TRAM2: variants seen among roughly 807,000 people sequenced by gnomAD.
TRAM2 encodes translocating chain-associated membrane protein 2.
In TRAM2, 12 loss-of-function variants were observed where a neutral mutation model predicts 51.0. The ratio of observed to expected loss-of-function variants is 0.24; its 90% CI spans 0.15 to 0.38. The LOEUF is 0.38. TRAM2 is among the 10% of genes least tolerant of loss of function. TRAM2 has a pLI of 1.00. For missense variants in TRAM2, 361 were observed against 462.0 expected, an observed-to-expected ratio of 0.78 and a Z score of 2.00; for synonymous variants, 175 against 179.4, an observed-to-expected ratio of 0.98 and a Z score of 0.20.
chr6:52,534,612 G>A (rs951551524), intron 2 of TRAM2, among the ~76,000 whole-genome samples: 1 of 152,132 alleles, frequency 6.6e-6, no homozygotes, highest in Non-Finnish European at 1.5e-5. Flanking sequence ...ATGTTGACCC[G>A]CATGGTGTTT....
chr6:52,505,942 C>A, intron 8 of TRAM2, 90 bp downstream of exon 8: 1 of 1,475,446 alleles, frequency 6.8e-7, no homozygotes, highest in Non-Finnish European at 9.4e-7. Flanking sequence ...GGGCAGTGTG[C>A]AACCAGGGAG....
In TRAM2 at chr6:52,503,210, A is replaced by T; in HGVS notation, c.1100T>A (p.Leu367His). 6.2e-7 allele frequency: 1 copy of T among 1,613,340 alleles called. No homozygotes were observed. ...AGCACTTTGGCCTTAGGGAGACTTGAGTTTCTTAGTCCGTGGGGAGGTTCC... is the reference window on the plus strand; with the variant it reads ...AGCACTTTGGCCTTAGGGAGACTTGTGTTTCTTAGTCCGTGGGGAGGTTCC... Reference protein sequence around the residue: ...ENGTSPRTKKLKSP With the variant: ...ENGTSPRTKKHKSP Residue 367 changes from leucine to histidine, a missense_variant, in exon 11 of 11, where the codon CTC becomes CAC. By Grantham distance (99) the Leu-to-His change is moderately conservative. Transcript: ENST00000182527.
At chr6:52,562,279 G>T (rs1455381688) in intron 1 of TRAM2, among the ~76,000 whole-genome samples, 1 of 152,134 alleles carries the variant, frequency 6.6e-6, no homozygotes, top group Non-Finnish European at 1.5e-5. Context: ...TAAACTTGGG[G>T]GTCATCAGAA....
At chr6:52,564,101 T>C (rs1562489598) in intron 1 of TRAM2, among the ~76,000 whole-genome samples, 1 of 152,136 alleles carries the variant, frequency 6.6e-6, no homozygotes, top group East Asian at 1.9e-4. Flanking sequence ...CACCATCCTG[T>C]GTGTGCATGG....
At chr6:52,541,522 C>A (rs1362667395) in intron 1 of TRAM2, among the ~76,000 whole-genome samples, 1 of 152,194 alleles carries the variant, frequency 6.6e-6, no homozygotes, top group East Asian at 1.9e-4. Flanking sequence ...TCTAAGAGGT[C>A]TTTCCAGAAG....
intron 1 of TRAM2, among the ~76,000 whole-genome samples, chr6:52,540,705 C>T (rs1034861018): frequency 2.6e-5 from 4 of 152,210 alleles, no homozygotes; most frequent in Non-Finnish European, 4.4e-5. Context: ...GCACACAGGG[C>T]TGAGAACCAG....
At chr6:52,513,276 ATATT>A (rs1403343081) in intron 4 of TRAM2, among the ~76,000 whole-genome samples, 3 of 152,216 alleles carry the variant, frequency 2.0e-5, no homozygotes, top group African/African-American at 7.2e-5. Context: ...ATCATTTATG[ATATT>A]TATTAAAACA....
chr6:52,504,720 C>G lies in TRAM2; in HGVS notation c.910G>C (p.Ala304Pro), dbSNP rs1766313029. 1 of 1,610,480 alleles carries G rather than the reference C, an allele frequency of 6.2e-7. No homozygotes were observed. The highest frequency in any genetic ancestry group is 1.1e-5 in the South Asian group (1 of 90,522). ...TGGATGAAGCGCCACATGAGCCAGG[C>G]CTGGGCGGCACACACCAGCAGCAGC... ...CVLLLVCAAQAWLMWRFIHSQ... is the reference protein window; with the variant it reads ...CVLLLVCAAQPWLMWRFIHSQ... Residue 304 changes from alanine (A) to proline (P), a missense_variant, in exon 10 of 11, where the codon GCC (alanine) becomes CCC (proline). By Grantham distance (27) the Ala-to-Pro change is conservative (BLOSUM62 -1). Coordinates refer to ENST00000182527, the MANE Select transcript of TRAM2 (RefSeq NM_012288.4).
rs142934369 is a variant in TRAM2 at position 52,512,266 on chromosome 6, G to A, written c.412-2680C>T. Among the ~76,000 whole-genome samples, 258 of 152,282 alleles carry A rather than the reference G, an allele frequency of 1.7e-3. 1 individual carries two copies. Among genetic ancestry groups the A allele is most frequent in the Non-Finnish European group, 2.7e-3 (182 of 68,020 alleles). On this transcript the variant is annotated intron_variant, in intron 4 of 10. Coordinates refer to ENST00000182527, the MANE Select transcript of TRAM2 (RefSeq NM_012288.4). The stretch of plus-strand genomic sequence containing the variant: ...GTGATTTTAAACAGGAACGCTCCTT[G>A]GCTTGGCCTCTTACTTAGAGACAAA...
At chr6:52,543,906 G>C (rs1767149572) in intron 1 of TRAM2, among the ~76,000 whole-genome samples, 1 of 152,154 alleles carries the variant, frequency 6.6e-6, no homozygotes. Context: ...GACCAGGCAG[G>C]ACCCAGGTAT....
rs73447934 is a variant in TRAM2, at chr6:52,532,290, T to C, written c.184+3493A>G. Among the ~76,000 whole-genome samples, 1,098 of 152,302 alleles carry C rather than the reference T, an allele frequency of 7.2e-3. 13 individuals carry two copies. Among genetic ancestry groups the C allele is most frequent in the African/African-American group, 0.024 (1,017 of 41,572 alleles). On this transcript the variant is annotated intron_variant, in intron 2 of 10. Transcript: ENST00000182527. ...TGGTCTCCAGGATAATTCTTTCTCA[T>C]GGTAAATTAGTAAGACAGCTCTGGG...
In TRAM2 at chr6:52,507,579, C is replaced by A. The variant is rs762706605; in HGVS notation, c.600G>T (p.Val200=). The change falls in exon 7 of 11, where the codon GTG becomes GTT. Residue 200 remains valine, a synonymous_variant. Coordinates refer to ENST00000182527, the MANE Select transcript of TRAM2 (RefSeq NM_012288.4). The part of the protein sequence containing the change: ...RQLQYICLYL[V]HIAGAYLLNL... ...TTAAGAGGTATGCTCCAGCTATATG[C>A]ACCAGGTACAGGCAAATATACTGGA... 25 of 1,614,066 alleles carry A rather than the reference C, an allele frequency of 1.5e-5. No individual in the cohort carries two copies. The highest frequency in any genetic ancestry group is 5.1e-6 in the Non-Finnish European group (6 of 1,180,026).
chr6:52,511,167 G>A (rs879512741), intron 4 of TRAM2, among the ~76,000 whole-genome samples: 4 of 152,182 alleles, frequency 2.6e-5, no homozygotes, highest in African/African-American at 7.2e-5. Flanking sequence ...GCAATGGCAC[G>A]ATCTCAGCTC....
At chr6:52,525,035 A>G (rs909147861) in intron 2 of TRAM2, 10 of 152,226 alleles carry the variant, frequency 6.6e-5, no homozygotes, top group African/African-American at 2.4e-4. Flanking sequence ...AGCACCTCTC[A>G]TGGGAACATT....
chr6:52,530,653 C>T (rs533924532), intron 2 of TRAM2, among the ~76,000 whole-genome samples: 5 of 152,220 alleles, frequency 3.3e-5, no homozygotes, highest in Non-Finnish European at 5.9e-5. Context: ...ACTTCACACG[C>T]GAAGGAACTA....
At chr6:52,560,110 G>A (rs1767473803) in intron 1 of TRAM2, among the ~76,000 whole-genome samples, 1 of 152,108 alleles carries the variant, frequency 6.6e-6, no homozygotes, top group African/African-American at 2.4e-5. Context: ...GGGTGTGGTG[G>A]TGGGCGCCTG....
At chr6:52,523,776 GT>G (rs937804824) in intron 2 of TRAM2, 16 of 152,230 alleles carry the variant, frequency 1.1e-4, no homozygotes, top group Admixed American at 2.6e-4. Flanking sequence ...CCACAGCACT[GT>G]TTTTAATGGT....
At chr6:52,540,244 CA>C (rs1767054120) in intron 1 of TRAM2, among the ~76,000 whole-genome samples, 1 of 151,396 alleles carries the variant, frequency 6.6e-6, no homozygotes, top group Non-Finnish European at 1.5e-5. Context: ...GAAAAGGCAA[CA>C]TTCAACTTGA....
chr6:52,562,756 A>G (rs898763753), intron 1 of TRAM2, among the ~76,000 whole-genome samples: 9 of 151,652 alleles, frequency 5.9e-5, no homozygotes, highest in African/African-American at 2.2e-4. Context: ...TCCCCTCCCT[A>G]TGTCAACGTG....
Sources: gnomAD v4.1 joint callset for allele counts (sites outside exome capture counted in the v4.1 genomes callset) on GRCh38, gnomAD v4.1.1 for gene constraint, MANE v1.5 for transcripts, NCBI Gene and HGNC (gene_info 2026-07-23, HGNC 2026-07-21) for gene names.